CACNA1A: variants seen among roughly 807,000 people sequenced by gnomAD.
The protein encoded by CACNA1A is calcium voltage-gated channel subunit alpha1 A, also known as voltage-dependent P/Q-type calcium channel subunit alpha-1A.
In CACNA1A, 57 loss-of-function variants were observed where a neutral mutation model predicts 262.4. The observed-to-expected ratio is 0.22, with a 90% CI of 0.18 to 0.27. CACNA1A has a LOEUF of 0.27. CACNA1A is among the 10% of genes least tolerant of loss of function. The probability of loss-of-function intolerance (pLI) is 1.00; values close to 1 mark genes in which losing one functional copy is unlikely to be tolerated. For synonymous variants in CACNA1A, 1,431 were observed against 1,419.3 expected (o/e 1.01, Z -0.18); for missense variants, 2,526 against 3,562.8 (o/e 0.71, Z 7.41).
At chr19:13,311,872 T>TAAAAAA (rs2058042986) in intron 12 of CACNA1A, among the ~76,000 whole-genome samples, 1 of 116,794 alleles carries the variant, frequency 8.6e-6, no homozygotes, top group African/African-American at 3.5e-5. Context: ...TAAAAAAAAA[T>TAAAAAA]AAATAAATTA....
At position 13,236,549 on chromosome 19, in the gene CACNA1A, G is replaced by A; in HGVS notation, c.4951-819C>T. 1 of 153,250 alleles carries A rather than the reference G, an allele frequency of 6.5e-6. No individual in the cohort carries two copies. The highest frequency in any genetic ancestry group is 1.5e-5 in the Non-Finnish European group (1 of 68,428). The allele number at this position is 153,250 out of a possible 1,614,324, so 9.5% of individuals were successfully genotyped here. ...GCTGAGTCGGAGAAGATGCATTTGGGGCCCTTTTCCCCCCTCTCAGGGATG... is the reference window on the plus strand; with the variant it reads ...GCTGAGTCGGAGAAGATGCATTTGGAGCCCTTTTCCCCCCTCTCAGGGATG... On this transcript the variant is annotated intron_variant, in intron 31 of 46. Transcript: ENST00000360228. This position sits in a 1 kb window ranked among gnomAD's most constrained non-coding sequence, Gnocchi z 4.6.
chr19:13,270,089 GCCT>G (rs1568480425), intron 24 of CACNA1A, among the ~76,000 whole-genome samples: 1 of 152,150 alleles, frequency 6.6e-6, no homozygotes, highest in Non-Finnish European at 1.5e-5. Flanking sequence ...CTCACTGTGA[GCCT>G]CCGTATTCAG....
chr19:13,414,186 A>C (rs570340121), intron 3 of CACNA1A, among the ~76,000 whole-genome samples: 1 of 152,196 alleles, frequency 6.6e-6, no homozygotes, highest in African/African-American at 2.4e-5. Context: ...TGAGTCCGGG[A>C]GTTTGAGACC....
chr19:13,506,304 T>C lies in CACNA1A; in HGVS notation c.-80A>G. ...CCGCCGCCGCCGCCGCCGCCGCTGA[T>C]GCTGAGGCTGCCGGGGCTGGGAGCG... On this transcript the variant is annotated 5_prime_UTR_variant, in exon 1 of 47. Coordinates refer to ENST00000360228, the MANE Select transcript of CACNA1A (RefSeq NM_001127222.2). 3 of 1,259,300 alleles carry C rather than the reference T, an allele frequency of 2.4e-6. No homozygotes were observed. The highest frequency in any genetic ancestry group is 1.9e-5 in the South Asian group (1 of 53,902). 78.0% of individuals were successfully genotyped at this position (1,259,300 alleles called of 1,614,324 possible).
intron 1 of CACNA1A, among the ~76,000 whole-genome samples, chr19:13,505,529 T>C (rs1439334533): frequency 1.3e-5 from 2 of 151,960 alleles, no homozygotes; most frequent in Non-Finnish European, 2.9e-5. Context: ...GCCCCCATAG[T>C]TCCCCTGCCC....
chr19:13,232,454 G>A (rs1600132260), intron 34 of CACNA1A, among the ~76,000 whole-genome samples: 1 of 152,044 alleles, frequency 6.6e-6, no homozygotes, highest in Non-Finnish European at 1.5e-5. Context: ...CCTCTTGGCT[G>A]GGCGCGGTGG....
chr19:13,419,794 A>T (rs2060285875), intron 3 of CACNA1A, among the ~76,000 whole-genome samples: 1 of 152,052 alleles, frequency 6.6e-6, no homozygotes, highest in Non-Finnish European at 1.5e-5. Context: ...GTTAAAATGA[A>T]GAAAATCCTG....
At chr19:13,487,428 C>A (rs748667066) in intron 1 of CACNA1A, among the ~76,000 whole-genome samples, 2 of 151,978 alleles carry the variant, frequency 1.3e-5, no homozygotes, top group Non-Finnish European at 2.9e-5. Flanking sequence ...AGTTCAAAAA[C>A]CCCCAAAATC....
chr19:13,229,619 C>T (rs545402829), intron 36 of CACNA1A: 221 of 154,156 alleles, frequency 1.4e-3, no homozygotes, highest in Middle Eastern at 3.4e-3. Flanking sequence ...CCCAGGTTCA[C>T]GGGTCCCAGT....
chr19:13,441,078 G>A, intron 3 of CACNA1A, among the ~76,000 whole-genome samples: 1 of 152,210 alleles, frequency 6.6e-6, no homozygotes, highest in Non-Finnish European at 1.5e-5. Context: ...TTCCCAAAGT[G>A]TTTGGATTAC....
intron 5 of CACNA1A, among the ~76,000 whole-genome samples, chr19:13,360,263 GTGTATATATA>G (rs1349916185): frequency 2.7e-4 from 18 of 66,274 alleles, no homozygotes; most frequent in South Asian, 2.2e-3. Context: ...GTGTGTGTGT[GTGTATATATA>G]TATATATATA....
At chr19:13,259,344 G>GTTTTTT (rs2056665416) in intron 27 of CACNA1A, 5 of 9,024 alleles carry the variant, frequency 5.5e-4, no homozygotes, top group African/African-American at 1.5e-3. Context: ...TTTTTTTTTG[G>GTTTTTT]GATTTTTAGT....
intron 1 of CACNA1A, among the ~76,000 whole-genome samples, chr19:13,476,673 G>A (rs888475906): frequency 6.6e-6 from 1 of 152,054 alleles, no homozygotes; most frequent in Non-Finnish European, 1.5e-5. Context: ...AAGTGCTGTG[G>A]AATTGCACAC....
chr19:13,345,732 G>A (rs1241651419), intron 6 of CACNA1A, among the ~76,000 whole-genome samples: 1 of 152,114 alleles, frequency 6.6e-6, no homozygotes. Flanking sequence ...TGAAAAAGCT[G>A]AAGTCTGACA....
chr19:13,306,862 G>A (rs115917275), intron 15 of CACNA1A, among the ~76,000 whole-genome samples: 2,472 of 152,226 alleles, frequency 0.016, 69 homozygotes, highest in African/African-American at 0.057. Flanking sequence ...CCACAATCAA[G>A]CCTCTTGCCC....
In CACNA1A at chr19:13,315,223, A is replaced by G. The variant is rs572422960; in HGVS notation, c.1555+1889T>C. On this transcript the variant is annotated intron_variant, in intron 11 of 46. Transcript: ENST00000360228. ...TTTTTTTTTTTTTTTTTTTTTTGAG[A>G]TGGCGTCTAGCTCTGTTGCCCAGGC... The G allele has an allele frequency of 1.9e-3, 202 of 108,322 alleles. 1 individual carries two copies. The highest frequency in any genetic ancestry group is 6.7e-3 in the African/African-American group (191 of 28,340). 6.7% of individuals were successfully genotyped at this position (108,322 alleles called of 1,614,324 possible).
chr19:13,423,871 G>A (rs1290032920), intron 3 of CACNA1A, among the ~76,000 whole-genome samples: 1 of 152,120 alleles, frequency 6.6e-6, no homozygotes, highest in African/African-American at 2.4e-5. Context: ...AGTAGCCAGA[G>A]CTACTCTGAG....
At chr19:13,245,388 T>C (rs2144692642) in intron 30 of CACNA1A, 123 bp from the exon 31 acceptor site, 1 of 749,816 alleles carries the variant, frequency 1.3e-6, no homozygotes, top group East Asian at 2.6e-5. Flanking sequence ...ACAGTTATGG[T>C]TGTTCGAAGG....
Position 13,254,999 on chromosome 19 carries a change from C to G in CACNA1A, c.4755+96G>C. On this transcript the variant is annotated intron_variant, in intron 29 of 46. Coordinates refer to ENST00000360228, the MANE Select transcript of CACNA1A (RefSeq NM_001127222.2). ...TCTCAGAGGTGATCCAGAGTGTGGTCTGTCTGGGAAACTGCAGATGGTTTC... is the reference window on the plus strand; with the variant it reads ...TCTCAGAGGTGATCCAGAGTGTGGTGTGTCTGGGAAACTGCAGATGGTTTC... 3 of 1,292,950 alleles carry G rather than the reference C, an allele frequency of 2.3e-6. No individual in the cohort carries two copies. In the South Asian group the frequency reaches 3.8e-5, roughly 16 times the overall value. 80.1% of individuals were successfully genotyped at this position (1,292,950 alleles called of 1,614,324 possible). A position where few individuals can be genotyped will look rare whatever the true frequency, so the allele number is the denominator to read the frequency against.
Sources: gnomAD v4.1 joint callset for allele counts (sites outside exome capture counted in the v4.1 genomes callset) on GRCh38, gnomAD v4.1.1 for gene constraint, Gnocchi (gnomAD v3.1) non-coding constraint, MANE v1.5 for transcripts, NCBI Gene and HGNC (gene_info 2026-07-23, HGNC 2026-07-21) for gene names.